RNF150: variants seen among roughly 807,000 people sequenced by gnomAD.
RNF150 encodes the protein ring finger protein 150.
A neutral mutation model predicts 39.3 loss-of-function variants in RNF150; 24 were observed. That is an observed-to-expected ratio of 0.61 (90% CI 0.44 to 0.86). The LOEUF (loss-of-function observed/expected upper bound fraction) is 0.86, where lower values mean the gene tolerates loss of function less well. RNF150 is among the 40% of genes least tolerant of loss of function. The pLI, the probability that RNF150 is intolerant of heterozygous loss-of-function variation, is 0.00. For synonymous variants in RNF150, 255 were observed against 227.3 expected (o/e 1.12, Z -1.10); for missense variants, 502 against 587.8 (o/e 0.85, Z 1.51).
intron 1 of RNF150, among the ~76,000 whole-genome samples, chr4:141,189,796 A>T (rs181344203): frequency 2.0e-5 from 3 of 152,320 alleles, no homozygotes; most frequent in Non-Finnish European, 4.4e-5. Flanking sequence ...CTGTGCTGGC[A>T]GCGAGAATTT....
intron 6 of RNF150, among the ~76,000 whole-genome samples, chr4:140,874,212 C>A (rs1729059087): frequency 6.6e-6 from 1 of 152,126 alleles, no homozygotes; most frequent in African/African-American, 2.4e-5. Flanking sequence ...GTGACACAGG[C>A]ATTGCAGTTG....
intron 1 of RNF150, among the ~76,000 whole-genome samples, chr4:141,162,480 T>A (rs1057141418): frequency 2.6e-5 from 4 of 152,140 alleles, no homozygotes; most frequent in Non-Finnish European, 5.9e-5. Context: ...GAGTTCATGC[T>A]GGAATGAATT....
At chr4:141,208,649 C>T (rs958707294) in intron 1 of RNF150, among the ~76,000 whole-genome samples, 3 of 152,202 alleles carry the variant, frequency 2.0e-5, no homozygotes, top group Non-Finnish European at 4.4e-5. Flanking sequence ...GTCAAGATAG[C>T]TAGTTAGTAA....
At chr4:140,996,391 C>T (rs1001830384) in intron 1 of RNF150, among the ~76,000 whole-genome samples, 2 of 152,066 alleles carry the variant, frequency 1.3e-5, no homozygotes, top group African/African-American at 4.8e-5. Flanking sequence ...TTCTACAAGT[C>T]GTTACTGAAT....
At chr4:141,201,154 C>A (rs1728284327) in intron 1 of RNF150, among the ~76,000 whole-genome samples, 1 of 151,714 alleles carries the variant, frequency 6.6e-6, no homozygotes, top group Admixed American at 6.6e-5. Flanking sequence ...ATAGGTGAAG[C>A]AGACGAATGT....
At chr4:141,038,700 A>T (rs142019567) in intron 1 of RNF150, among the ~76,000 whole-genome samples, 5 of 152,200 alleles carry the variant, frequency 3.3e-5, no homozygotes, top group African/African-American at 1.2e-4. Flanking sequence ...CAAAAAAAAA[A>T]AAGAATCTCT....
chr4:140,942,726 A>G (rs919862653), intron 4 of RNF150, among the ~76,000 whole-genome samples: 1 of 152,308 alleles, frequency 6.6e-6, no homozygotes, highest in Admixed American at 6.5e-5. Flanking sequence ...TCCCTTGGCC[A>G]TCCTGGTGCT....
At chr4:141,065,307 AG>A (rs1737409913) in intron 1 of RNF150, among the ~76,000 whole-genome samples, 1 of 152,194 alleles carries the variant, frequency 6.6e-6, no homozygotes, top group Admixed American at 6.5e-5. Context: ...TGTGCGTGAG[AG>A]GCAGGGATAG....
At chr4:140,909,055 T>TGGTC (rs1730495245) in intron 6 of RNF150, among the ~76,000 whole-genome samples, 1 of 152,176 alleles carries the variant, frequency 6.6e-6, no homozygotes, top group Admixed American at 6.5e-5. Flanking sequence ...AGGTCACTTA[T>TGGTC]GGTCGTATGT....
chr4:140,930,453 C>T (rs903353534), intron 4 of RNF150, among the ~76,000 whole-genome samples: 1 of 152,310 alleles, frequency 6.6e-6, no homozygotes, highest in Admixed American at 6.5e-5. Flanking sequence ...TTCTGGTTTG[C>T]TCAATTCGCT....
At chr4:140,909,960 A>T (rs577420489) in intron 6 of RNF150, among the ~76,000 whole-genome samples, 2 of 152,210 alleles carry the variant, frequency 1.3e-5, no homozygotes, top group Admixed American at 1.3e-4. Context: ...TTCAAATCCC[A>T]TGGATCATCT....
chr4:141,027,952 T>TATG (rs1553938684), intron 1 of RNF150, among the ~76,000 whole-genome samples: 1 of 71,578 alleles, frequency 1.4e-5, no homozygotes, highest in Non-Finnish European at 2.9e-5. Flanking sequence ...TTTTTTTTTT[T>TATG]CAATCCTGCT....
chr4:141,176,975 G>T (rs1278022183), intron 1 of RNF150, among the ~76,000 whole-genome samples: 1 of 151,224 alleles, frequency 6.6e-6, no homozygotes, highest in Non-Finnish European at 1.5e-5. Flanking sequence ...CAGCATTTTG[G>T]GAGGCCAAGG....
At chr4:141,191,847 G>T (rs1728114163) in intron 1 of RNF150, among the ~76,000 whole-genome samples, 1 of 152,130 alleles carries the variant, frequency 6.6e-6, no homozygotes, top group African/African-American at 2.4e-5. Flanking sequence ...GTGTGCTCCT[G>T]ATGCCTAACA....
chr4:140,903,847 A>G (rs1730278043), intron 6 of RNF150, among the ~76,000 whole-genome samples: 1 of 152,194 alleles, frequency 6.6e-6, no homozygotes, highest in African/African-American at 2.4e-5. Flanking sequence ...TGCTCCAAGT[A>G]GCAATATATC....
intron 1 of RNF150, among the ~76,000 whole-genome samples, chr4:140,976,064 T>C (rs556553405): frequency 6.6e-6 from 1 of 152,300 alleles, no homozygotes; most frequent in East Asian, 1.9e-4. Flanking sequence ...CTTAACCTTC[T>C]TGCTTTGATT....
chr4:141,133,472 T>TTGTG (rs747971541), upstream of RNF150: 1,086 of 153,624 alleles, frequency 7.1e-3, 9 homozygotes, highest in African/African-American at 0.022. Context: ...GTCTGTATGT[T>TTGTG]TGTGTGTGTG....
At chr4:141,082,662 C>T (rs1738202820) in intron 1 of RNF150, among the ~76,000 whole-genome samples, 1 of 149,118 alleles carries the variant, frequency 6.7e-6, no homozygotes, top group Non-Finnish European at 1.5e-5. Flanking sequence ...GATCTCGGCT[C>T]ACTGCAAGCT....
In RNF150 at chr4:141,131,028, T is replaced by C. The variant is rs545276954; in HGVS notation, c.484+1297A>G. 1.4e-4 allele frequency among the ~76,000 whole-genome samples: 21 copies of C among 152,306 alleles called. No individual in the cohort carries two copies. In the East Asian group the frequency reaches 4.0e-3, roughly 29 times the overall value. On this transcript the variant is annotated intron_variant, in intron 1 of 6. Transcript: ENST00000515673. ...TTTTAGAAGTCTGGAACATTTCCCCTCCCCACCTGTTTGTGTTAAGGTTGA... is the reference window on the plus strand; with the variant it reads ...TTTTAGAAGTCTGGAACATTTCCCCCCCCCACCTGTTTGTGTTAAGGTTGA...
Sources: gnomAD v4.1 joint callset for allele counts (sites outside exome capture counted in the v4.1 genomes callset) on GRCh38, gnomAD v4.1.1 for gene constraint, MANE v1.5 for transcripts, NCBI Gene and HGNC (gene_info 2026-07-23, HGNC 2026-07-21) for gene names.